Variants in SOX6 observed in about 807,000 individuals in gnomAD.
SOX6 encodes the protein SRY-box transcription factor 6.
In SOX6, 11 loss-of-function variants were observed where a neutral mutation model predicts 97.8. The observed-to-expected ratio is 0.11, with a 90% confidence interval of 0.07 to 0.19. The LOEUF (loss-of-function observed/expected upper bound fraction) is 0.19, where lower values mean the gene tolerates loss of function less well. Among genes scored for constraint, SOX6 ranks in the 10% least tolerant of loss-of-function variants. The probability of loss-of-function intolerance (pLI) is 1.00; values close to 1 mark genes in which losing one functional copy is unlikely to be tolerated. For missense variants in SOX6, 810 were observed against 1,039.5 expected (o/e 0.78, Z 3.04); for synonymous variants, 360 against 371.4 (o/e 0.97, Z 0.35).
intron 1 of SOX6, among the ~76,000 whole-genome samples, chr11:16,379,228 A>G (rs961500353): frequency 1.3e-5 from 2 of 152,180 alleles, no homozygotes; most frequent in Admixed American, 6.5e-5. Flanking sequence ...ACACTTTGGG[A>G]GGCTGAGACG....
chr11:16,125,857 AGG>A (rs1287907322), intron 6 of SOX6, among the ~76,000 whole-genome samples: 3 of 151,630 alleles, frequency 2.0e-5, no homozygotes, highest in African/African-American at 7.2e-5. Flanking sequence ...GAAGGAAGGA[AGG>A]AAGGAAGGAA....
At chr11:16,679,776 G>T (rs1847912515) in intron 3 of SOX6, among the ~76,000 whole-genome samples, 1 of 152,134 alleles carries the variant, frequency 6.6e-6, no homozygotes, top group South Asian at 2.1e-4. Flanking sequence ...TGACCTGATG[G>T]AGCTGAAAAC....
At position 16,169,750 on chromosome 11, in the gene SOX6, G is replaced by C. The variant is rs114472779; in HGVS notation, c.777+14136C>G. On this transcript the variant is annotated intron_variant, in intron 6 of 15. Transcript: ENST00000683767. ...GTTTAAATTCCTTCCACTTGAGACAGAAAAGATCCAAAGTATATTAGTCTT... is the reference window on the plus strand; with the variant it reads ...GTTTAAATTCCTTCCACTTGAGACACAAAAGATCCAAAGTATATTAGTCTT... Among the ~76,000 whole-genome samples, 258 of 152,180 alleles carry C rather than the reference G, an allele frequency of 1.7e-3. 1 individual carries two copies. Among genetic ancestry groups the C allele is most frequent in the African/African-American group, 4.2e-3 (174 of 41,530 alleles).
chr11:16,639,886 T>C (rs1443935960), intron 3 of SOX6, among the ~76,000 whole-genome samples: 1 of 152,126 alleles, frequency 6.6e-6, no homozygotes, highest in African/African-American at 2.4e-5. Context: ...CTTTTCCTAA[T>C]TGAATACCCT....
intron 1 of SOX6, among the ~76,000 whole-genome samples, chr11:16,405,031 T>C (rs1342011436): frequency 6.6e-6 from 1 of 152,016 alleles, no homozygotes; most frequent in Non-Finnish European, 1.5e-5. Context: ...ATGATGCATT[T>C]ACTTAGATTA....
At chr11:16,459,104 C>T (rs191934758) in intron 1 of SOX6, among the ~76,000 whole-genome samples, 19 of 152,020 alleles carry the variant, frequency 1.2e-4, no homozygotes, top group African/African-American at 4.6e-4. Context: ...AAGGAACAAA[C>T]CCCAGAGCTC....
chr11:16,490,933 G>T (rs1285842590), intron 4 of SOX6, among the ~76,000 whole-genome samples: 1 of 152,072 alleles, frequency 6.6e-6, no homozygotes, highest in African/African-American at 2.4e-5. Context: ...ATCATACCAT[G>T]ATTCTTATTA....
At chr11:16,370,785 A>T (rs1232534389) in intron 1 of SOX6, among the ~76,000 whole-genome samples, 1 of 152,048 alleles carries the variant, frequency 6.6e-6, no homozygotes, top group Non-Finnish European at 1.5e-5. Context: ...CTATCATCCA[A>T]CAAATCCAAT....
intron 1 of SOX6, among the ~76,000 whole-genome samples, chr11:16,420,893 T>C: frequency 6.6e-6 from 1 of 152,190 alleles, no homozygotes; most frequent in Admixed American, 6.5e-5. Context: ...ATTATGTCTT[T>C]CAAGCTCAGC....
intron 4 of SOX6, among the ~76,000 whole-genome samples, chr11:16,581,981 GA>G (rs1848036281): frequency 6.7e-6 from 1 of 148,418 alleles, no homozygotes; most frequent in Non-Finnish European, 1.5e-5. Flanking sequence ...AAAAAAAGAA[GA>G]AGAAGAATGA....
intron 9 of SOX6, among the ~76,000 whole-genome samples, chr11:16,067,710 T>A (rs1848126141): frequency 6.6e-6 from 1 of 152,158 alleles, no homozygotes; most frequent in East Asian, 1.9e-4. Context: ...CTTGAGAGGA[T>A]GGATACCCCA....
At position 16,718,330 on chromosome 11, in the gene SOX6, A is replaced by C. The variant is rs1848233758; in HGVS notation, n.354-3425T>G. 2.0e-5 allele frequency among the ~76,000 whole-genome samples: 3 copies of C among 152,234 alleles called. No homozygotes were observed. In the South Asian group the frequency reaches 6.2e-4, roughly 32 times the overall value. ...GATCCCATACACAATGGACATCTCT[A>C]ATGACTTAGAGAATTAAAATATTTT... On this transcript the variant is annotated intron_variant and non_coding_transcript_variant, in intron 2 of 5. Transcript: ENST00000524520.
At chr11:16,353,201 C>T (rs1856992062) in intron 1 of SOX6, among the ~76,000 whole-genome samples, 1 of 152,154 alleles carries the variant, frequency 6.6e-6, no homozygotes, top group South Asian at 2.1e-4. Flanking sequence ...TCAGACAAAA[C>T]TGGAGCTGCC....
At chr11:16,001,948 A>G (rs1047809073) in intron 13 of SOX6, among the ~76,000 whole-genome samples, 1 of 152,188 alleles carries the variant, frequency 6.6e-6, no homozygotes, top group Non-Finnish European at 1.5e-5. Context: ...CTAATTCAAT[A>G]ACTCTGCTAC....
At position 16,352,804 on chromosome 11, in the gene SOX6, T is replaced by C. The variant is rs116505091; in HGVS notation, c.-5+3290A>G. ...CTGTGTACTTCTACAGTTTGAGATA[T>C]GTAATTACTAGTTAACAACTTTAAA... On this transcript the variant is annotated intron_variant, in intron 1 of 15. Coordinates refer to ENST00000683767, the MANE Select transcript of SOX6 (RefSeq NM_001367873.1). Among the ~76,000 whole-genome samples the C allele has an allele frequency of 9.0e-3, 1,362 of 152,170 alleles. 23 individuals carry two copies. Among genetic ancestry groups the C allele is most frequent in the African/African-American group, 0.031 (1,276 of 41,564 alleles).
intron 1 of SOX6, among the ~76,000 whole-genome samples, chr11:16,344,221 T>C (rs1856716283): frequency 6.6e-6 from 1 of 151,936 alleles, no homozygotes; most frequent in South Asian, 2.1e-4. Context: ...GTTTTTTTGT[T>C]TACATCTTTT....
intron 1 of SOX6, among the ~76,000 whole-genome samples, chr11:16,345,216 T>C (rs1437189473): frequency 6.6e-6 from 1 of 152,082 alleles, no homozygotes; most frequent in Non-Finnish European, 1.5e-5. Context: ...GAGTACATTA[T>C]AATCAGAGAG....
chr11:16,556,354 C>T (rs1474224223), intron 4 of SOX6, among the ~76,000 whole-genome samples: 1 of 151,704 alleles, frequency 6.6e-6, no homozygotes, highest in Non-Finnish European at 1.5e-5. Context: ...GTTCATAAAA[C>T]TACCAGCAAT....
intron 6 of SOX6, among the ~76,000 whole-genome samples, chr11:16,123,364 C>T (rs1048909985): frequency 2.6e-5 from 4 of 151,904 alleles, no homozygotes; most frequent in Non-Finnish European, 2.9e-5. Flanking sequence ...CTAACCAGGA[C>T]GTAAATAAGA....
Sources: gnomAD v4.1 joint callset for allele counts (sites outside exome capture counted in the v4.1 genomes callset) on GRCh38, gnomAD v4.1.1 for gene constraint, MANE v1.5 for transcripts, NCBI Gene and HGNC (gene_info 2026-07-23, HGNC 2026-07-21) for gene names.